Variants in TAF4 observed in about 807,000 individuals in gnomAD.
TAF4 encodes the protein TATA-box binding protein associated factor 4, also known as transcription initiation factor TFIID subunit 4.
TAF4 carries 9 observed loss-of-function variants against 90.3 expected under a neutral mutation model. The ratio of observed to expected loss-of-function variants is 0.10; its 90% CI spans 0.06 to 0.17. The LOEUF (loss-of-function observed/expected upper bound fraction) is 0.17, where lower values mean the gene tolerates loss of function less well. TAF4 is among the 10% of genes least tolerant of loss of function. The probability of loss-of-function intolerance (pLI) is 1.00; values close to 1 mark genes in which losing one functional copy is unlikely to be tolerated. For synonymous variants in TAF4, 818 were observed against 638.9 expected, an observed-to-expected ratio of 1.28 and a Z score of -4.23; for missense variants, 1,351 against 1,370.7, an observed-to-expected ratio of 0.99 and a Z score of 0.23.
At chr20:62,014,899 G>A (rs965603783) in intron 1 of TAF4, among the ~76,000 whole-genome samples, 192 bp from the exon 2 acceptor site, 1 of 152,124 alleles carries the variant, frequency 6.6e-6, no homozygotes, top group Non-Finnish European at 1.5e-5. Flanking sequence ...AACTGTAAAG[G>A]TTGTTAAAAG....
chr20:61,999,192 G>T (rs999713944), intron 11 of TAF4, 84 bp from the exon 12 acceptor site: 21 of 1,522,662 alleles, frequency 1.4e-5, no homozygotes, highest in Non-Finnish European at 1.9e-5. Context: ...TGGACCATCC[G>T]TGCACAACGC....
At chr20:62,019,592 G>C (rs945993238) in intron 1 of TAF4, among the ~76,000 whole-genome samples, 1 of 152,200 alleles carries the variant, frequency 6.6e-6, no homozygotes, top group African/African-American at 2.4e-5. Flanking sequence ...CGCCTCCCTG[G>C]GGAAGGAGCA....
At position 62,065,448 on chromosome 20, in the gene TAF4, C is replaced by A; in HGVS notation, c.363G>T (p.Pro121=). 1.0e-6 allele frequency: 1 copy of A among 974,622 alleles called. No individual in the cohort carries two copies. The highest frequency in any genetic ancestry group is 4.6e-5 in the South Asian group (1 of 21,778). 60.4% of individuals were successfully genotyped at this position (974,622 alleles called of 1,614,324 possible). The part of the protein sequence containing the change: ...RRPLVPAGPA[P]PAAKLRPPPE... ...GCGGCGGCCTCAGCTTCGCGGCGGG[C>A]GGCGCGGGCCCTGCGGGGACAAGGG... The change falls in exon 1 of 15, where the codon CCG becomes CCT. Residue 121 remains proline (P), a synonymous_variant. Transcript: ENST00000252996.
At position 61,999,133 on chromosome 20, in the gene TAF4, T is replaced by A. The variant is rs200308766; in HGVS notation, c.2788-25A>T. 5.6e-6 allele frequency: 9 copies of A among 1,611,890 alleles called. No homozygotes were observed. The East Asian group carries it at 2.0e-4, about 36-fold the overall frequency. ...CCTATGAAGAAAGTTAAAATACTGC[T>A]TGTCATAAATCTGAGAGCCCAGCAA... On this transcript the variant is annotated intron_variant, in intron 11 of 14. Coordinates refer to ENST00000252996, the MANE Select transcript of TAF4 (RefSeq NM_003185.4).
At chr20:62,020,368 G>A (rs1478722289) in intron 1 of TAF4, among the ~76,000 whole-genome samples, 3 of 152,258 alleles carry the variant, frequency 2.0e-5, no homozygotes, top group East Asian at 1.9e-4. Flanking sequence ...TCAGGGGCAC[G>A]GAGCCAGGCG....
chr20:62,009,373 G>A (rs767352426), intron 4 of TAF4, among the ~76,000 whole-genome samples, 199 bp from the exon 5 acceptor site: 1 of 152,214 alleles, frequency 6.6e-6, no homozygotes, highest in Non-Finnish European at 1.5e-5. Context: ...ACCGAAGTCA[G>A]CATCTCCCTC....
At chr20:62,003,557 C>CCA (rs1322524482) in intron 8 of TAF4, among the ~76,000 whole-genome samples, 174 bp downstream of exon 8, 2 of 152,238 alleles carry the variant, frequency 1.3e-5, no homozygotes, top group African/African-American at 4.8e-5. Context: ...ATCATACTGA[C>CCA]AGTGGTGATG....
In TAF4 at chr20:61,991,630, G is replaced by C. The variant is rs560790441; in HGVS notation, c.3090+5920C>G. Among the ~76,000 whole-genome samples, 87 of 152,034 alleles carry C rather than the reference G, an allele frequency of 5.7e-4. 1 individual carries two copies. The South Asian group carries it at 0.018, about 31-fold the overall frequency. ...AAAAACAAAAAAAAAGAGAGAGAGA[G>C]ATTTTAAAAATTAAGAGACTGTAAA... is the stretch of plus-strand genomic sequence containing the variant. On this transcript the variant is annotated intron_variant, in intron 14 of 14. Coordinates refer to ENST00000252996, the MANE Select transcript of TAF4 (RefSeq NM_003185.4).
intron 1 of TAF4, among the ~76,000 whole-genome samples, chr20:62,026,770 C>T (rs568894041): frequency 2.6e-4 from 40 of 152,278 alleles, no homozygotes; most frequent in Admixed American, 8.5e-4. Context: ...GGCTTGCTGC[C>T]GCCCCGTGAG....
intron 7 of TAF4, chr20:62,005,955 T>G (rs960529554): frequency 2.0e-5 from 3 of 152,350 alleles, no homozygotes; most frequent in African/African-American, 7.2e-5. Flanking sequence ...ATGTAATTCT[T>G]CTGGCAAAGA....
At chr20:61,996,660 G>T (rs528459244) in intron 14 of TAF4, among the ~76,000 whole-genome samples, 1 of 151,260 alleles carries the variant, frequency 6.6e-6, no homozygotes, top group Non-Finnish European at 1.5e-5. Context: ...TTAGCAGGGC[G>T]TGGTGGCACA....
intron 1 of TAF4, among the ~76,000 whole-genome samples, chr20:62,016,650 G>A (rs910011517): frequency 3.3e-5 from 5 of 152,296 alleles, no homozygotes; most frequent in Admixed American, 1.3e-4. Context: ...ACTGGCTTCC[G>A]GGCTCCTCAG....
At chr20:61,986,694 G>C (rs2055594644) in intron 14 of TAF4, among the ~76,000 whole-genome samples, 1 of 152,286 alleles carries the variant, frequency 6.6e-6, no homozygotes, top group Non-Finnish European at 1.5e-5. Flanking sequence ...GATGGCCAGA[G>C]CCGGGCTGCT....
At chr20:62,005,731 C>G (rs1370375507) in intron 7 of TAF4, 1 of 152,252 alleles carries the variant, frequency 6.6e-6, no homozygotes, top group East Asian at 1.9e-4. Flanking sequence ...GCAACTTGAA[C>G]AGAGCACAAG....
At chr20:62,040,125 T>A (rs551659093) in intron 1 of TAF4, among the ~76,000 whole-genome samples, 7 of 152,220 alleles carry the variant, frequency 4.6e-5, no homozygotes, top group Non-Finnish European at 1.0e-4. Flanking sequence ...CCTAGTTATC[T>A]ACCCAAGACA....
At position 62,065,345 on chromosome 20, in the gene TAF4, C is replaced by CGGCGGG; in HGVS notation, c.460_465dup (p.Pro154_Ala155dup). The CGGCGGG allele has an allele frequency of 1.0e-6, 1 of 954,760 alleles. No individual in the cohort carries two copies. Among genetic ancestry groups the CGGCGGG allele is most frequent in the Non-Finnish European group, 1.2e-6 (1 of 813,154 alleles). The allele number at this position is 954,760 out of a possible 1,614,324, so 59.1% of individuals were successfully genotyped here. On this transcript the variant is annotated inframe_insertion, in exon 1 of 15. Coordinates refer to ENST00000252996, the MANE Select transcript of TAF4 (RefSeq NM_003185.4). ...GCGGGGCCGGCGGGCTTGGCGGGGC[C>CGGCGGG]GGCGGGGGCGGGCTCGGGCCCCGCG...
At chr20:62,020,636 C>G (rs1266683633) in intron 1 of TAF4, among the ~76,000 whole-genome samples, 1 of 152,202 alleles carries the variant, frequency 6.6e-6, no homozygotes, top group Non-Finnish European at 1.5e-5. Flanking sequence ...CAGCCAGGGA[C>G]CACCAGCCAC....
intron 1 of TAF4, among the ~76,000 whole-genome samples, chr20:62,038,317 A>G (rs1265367937): frequency 1.3e-5 from 2 of 151,822 alleles, no homozygotes; most frequent in South Asian, 2.1e-4. Flanking sequence ...GTGTGCCACC[A>G]TGCCCAGCTA....
intron 1 of TAF4, among the ~76,000 whole-genome samples, chr20:62,016,062 C>T (rs1306205452): frequency 1.3e-5 from 2 of 152,206 alleles, no homozygotes; most frequent in Non-Finnish European, 2.9e-5. Flanking sequence ...GAAAGGCCTC[C>T]AAGGCTCCGT....
Sources: gnomAD v4.1 joint callset for allele counts (sites outside exome capture counted in the v4.1 genomes callset) on GRCh38, gnomAD v4.1.1 for gene constraint, MANE v1.5 for transcripts, NCBI Gene and HGNC (gene_info 2026-07-23, HGNC 2026-07-21) for gene names.